PALM2AKAP2: variants seen among roughly 807,000 people sequenced by gnomAD.
The protein encoded by PALM2AKAP2 is PALM2-AKAP2 fusion protein.
A neutral mutation model predicts 71.5 loss-of-function variants in PALM2AKAP2; 37 were observed. That is an observed-to-expected ratio of 0.52 (90% CI 0.40 to 0.68). The LOEUF is 0.68. Ranked by LOEUF, PALM2AKAP2 falls within the 30% of genes least tolerant of loss-of-function variation. The pLI, the probability that PALM2AKAP2 is intolerant of heterozygous loss-of-function variation, is 0.00. For synonymous variants in PALM2AKAP2, 468 were observed against 478.8 expected, an observed-to-expected ratio of 0.98 and a Z score of 0.29; for missense variants, 1,224 against 1,191.8, an observed-to-expected ratio of 1.03 and a Z score of -0.40.
intron 1 of PALM2AKAP2, among the ~76,000 whole-genome samples, chr9:110,130,356 T>C (rs1835706177): frequency 6.6e-6 from 1 of 152,232 alleles, no homozygotes; most frequent in African/African-American, 2.4e-5. Flanking sequence ...CCCCAGACTC[T>C]GGTCTTTGGA....
intron 1 of PALM2AKAP2, among the ~76,000 whole-genome samples, chr9:110,134,530 G>C (rs546611661): frequency 6.6e-6 from 1 of 152,306 alleles, no homozygotes; most frequent in African/African-American, 2.4e-5. Context: ...AATGTGGAAA[G>C]TGAAGAGTGA....
At chr9:109,738,398 C>T (rs1828669485) in intron 1 of PALM2AKAP2, among the ~76,000 whole-genome samples, 1 of 152,126 alleles carries the variant, frequency 6.6e-6, no homozygotes, top group Non-Finnish European at 1.5e-5. Flanking sequence ...GAGAATAAAA[C>T]TGTCTTTATT....
rs754903953 is a variant in PALM2AKAP2 at position 110,010,996 on chromosome 9, C to CAAAAA, written c.497-4943_497-4939dup. 3.5e-3 allele frequency among the ~76,000 whole-genome samples: 189 copies of CAAAAA among 54,236 alleles called. 3 individuals are homozygous for CAAAAA. The highest frequency in any genetic ancestry group is 7.3e-3 in the African/African-American group (102 of 13,972). 35.6% of individuals were successfully genotyped at this position (54,236 alleles called of 152,430 possible). ...GGGCAACAAGAGCGAAACTCTGTCT[C>CAAAAA]AAAAAAAAAAAAAAAAAAATATATA... On this transcript the variant is annotated intron_variant, in intron 6 of 9. Coordinates refer to the PALM2AKAP2 transcript ENST00000302798.
intron 1 of PALM2AKAP2, among the ~76,000 whole-genome samples, chr9:110,126,653 T>G (rs1270155394): frequency 1.3e-5 from 2 of 152,204 alleles, no homozygotes; most frequent in African/African-American, 4.8e-5. Flanking sequence ...CAGTCACTCC[T>G]GTAAGAAGTG....
Position 110,015,584 on chromosome 9 carries a change from C to A in PALM2AKAP2, c.497-370C>A, listed in dbSNP as rs114127749. Among the ~76,000 whole-genome samples, 1,083 of 152,136 alleles carry A rather than the reference C, an allele frequency of 7.1e-3. 13 individuals carry two copies. Among genetic ancestry groups the A allele is most frequent in the African/African-American group, 0.025 (1,019 of 41,516 alleles). ...TCATGCCATTGCACCCCAGCCTAGG[C>A]AACAAGAGTGCAACTTGGTCTCAAT... On this transcript the variant is annotated intron_variant, in intron 6 of 9. Transcript: ENST00000302798.
At chr9:110,017,122 G>A (rs556614078) in intron 7 of PALM2AKAP2, among the ~76,000 whole-genome samples, 102 of 152,268 alleles carry the variant, frequency 6.7e-4, no homozygotes, top group Middle Eastern at 3.4e-3. Context: ...CTCGAGATCC[G>A]CCTGCCTTGG....
chr9:110,066,258 C>G (rs1834076659), intron 1 of PALM2AKAP2, among the ~76,000 whole-genome samples: 1 of 152,160 alleles, frequency 6.6e-6, no homozygotes, highest in Non-Finnish European at 1.5e-5. Flanking sequence ...AGTTAAGGAG[C>G]CCAAGCTGAA....
intron 3 of PALM2AKAP2, among the ~76,000 whole-genome samples, chr9:109,915,995 G>A (rs1830680799): frequency 6.6e-6 from 1 of 152,002 alleles, no homozygotes; most frequent in South Asian, 2.1e-4. Context: ...CCAGGCTAGA[G>A]TGAAATGGCA....
chr9:109,790,620 G>A (rs1045236107), intron 1 of PALM2AKAP2, among the ~76,000 whole-genome samples: 4 of 152,186 alleles, frequency 2.6e-5, no homozygotes, highest in Non-Finnish European at 5.9e-5. Context: ...GAGAAAGAGA[G>A]AGGCCGGGAT....
At chr9:110,086,022 G>A (rs567964) in intron 1 of PALM2AKAP2, among the ~76,000 whole-genome samples, 15,889 of 150,952 alleles carry the variant, frequency 0.11, 1,106 homozygotes, top group South Asian at 0.15. Context: ...CAGGAGAATC[G>A]CTTGAACCCG....
At chr9:109,641,483 T>G (rs1438683940) in intron 1 of PALM2AKAP2, among the ~76,000 whole-genome samples, 1 of 152,202 alleles carries the variant, frequency 6.6e-6, no homozygotes, top group Non-Finnish European at 1.5e-5. Context: ...GAATACGGCA[T>G]GGATGGGTGG....
intron 1 of PALM2AKAP2, among the ~76,000 whole-genome samples, chr9:109,857,882 A>G (rs1335829465): frequency 6.6e-6 from 1 of 152,222 alleles, no homozygotes; most frequent in East Asian, 1.9e-4. Context: ...CTCAGTTGCC[A>G]TTATTATTCT....
At chr9:109,701,856 G>A (rs1037873308) in intron 1 of PALM2AKAP2, among the ~76,000 whole-genome samples, 13 of 152,058 alleles carry the variant, frequency 8.5e-5, no homozygotes, top group African/African-American at 2.9e-4. Context: ...CTGACAAAGG[G>A]CTAATATCCA....
Position 110,078,737 on chromosome 9 carries a change from T to C in PALM2AKAP2, c.156+29882T>C, listed in dbSNP as rs1834379502. ...TTGTACTACTGTTGACTCAAATAAT[T>C]AACAGTAATGGCTGAATAATTTGTT... On this transcript the variant is annotated intron_variant, in intron 1 of 3. Coordinates refer to ENST00000374525, the Ensembl canonical transcript of PALM2AKAP2. Among the ~76,000 whole-genome samples the C allele has an allele frequency of 2.0e-5, 3 of 152,348 alleles. No individual in the cohort carries two copies. In the South Asian group the frequency reaches 6.2e-4, roughly 32 times the overall value.
At chr9:109,658,359 C>T (rs2132239299) in intron 1 of PALM2AKAP2, among the ~76,000 whole-genome samples, 1 of 152,216 alleles carries the variant, frequency 6.6e-6, no homozygotes, top group Non-Finnish European at 1.5e-5. Context: ...ATCAGGTTTT[C>T]ATTCCCTGTA....
chr9:109,722,905 C>G (rs965900790), intron 1 of PALM2AKAP2, among the ~76,000 whole-genome samples: 3 of 152,180 alleles, frequency 2.0e-5, no homozygotes, highest in African/African-American at 7.2e-5. Flanking sequence ...TTGCACAAGC[C>G]GTCTGCTCTG....
intron 1 of PALM2AKAP2, among the ~76,000 whole-genome samples, chr9:109,770,617 C>A (rs768336452): frequency 1.4e-4 from 21 of 152,144 alleles, no homozygotes; most frequent in African/African-American, 4.1e-4. Flanking sequence ...AGGCAATGAC[C>A]AGGTTAGCAA....
chr9:109,790,625 CGGG>C (rs1564149871), intron 1 of PALM2AKAP2, among the ~76,000 whole-genome samples: 33 of 152,042 alleles, frequency 2.2e-4, no homozygotes, highest in African/African-American at 7.5e-4. Flanking sequence ...AGAGAGAGGC[CGGG>C]ATTTAAGAAA....
intron 7 of PALM2AKAP2, among the ~76,000 whole-genome samples, chr9:110,033,308 C>G (rs1833320495): frequency 6.6e-6 from 1 of 152,184 alleles, no homozygotes; most frequent in South Asian, 2.1e-4. Context: ...CATTCTGTGT[C>G]TAAGCATTTT....
Sources: gnomAD v4.1 joint callset for allele counts (sites outside exome capture counted in the v4.1 genomes callset) on GRCh38, gnomAD v4.1.1 for gene constraint, MANE v1.5 for transcripts, NCBI Gene and HGNC (gene_info 2026-07-23, HGNC 2026-07-21) for gene names.